Variants in GPR139 observed in about 807,000 individuals in gnomAD.
GPR139 encodes the protein probable G protein-coupled receptor 139.
A neutral mutation model predicts 25.8 loss-of-function variants in GPR139; 12 were observed. That is an observed-to-expected ratio of 0.47 (90% CI 0.30 to 0.75). The LOEUF (loss-of-function observed/expected upper bound fraction) is 0.75, where lower values mean the gene tolerates loss of function less well. GPR139 is among the 30% of genes least tolerant of loss of function. The pLI is 0.07. For synonymous variants in GPR139, 184 were observed against 179.9 expected (o/e 1.02, Z -0.18); for missense variants, 380 against 450.2 (o/e 0.84, Z 1.41).
At chr16:20,072,746 A>C (rs918758788) in intron 1 of GPR139, among the ~76,000 whole-genome samples, 7 of 152,190 alleles carry the variant, frequency 4.6e-5, no homozygotes, top group African/African-American at 1.7e-4. Context: ...CATCCACAGC[A>C]GCCGTGAGCT....
At chr16:20,038,167 C>A (rs937022012) in intron 1 of GPR139, among the ~76,000 whole-genome samples, 17 of 152,026 alleles carry the variant, frequency 1.1e-4, no homozygotes, top group African/African-American at 3.9e-4. Flanking sequence ...CAGCCACAAC[C>A]TCTTTTTCCC....
chr16:20,071,898 A>C (rs1333379058), intron 1 of GPR139, among the ~76,000 whole-genome samples: 1 of 152,090 alleles, frequency 6.6e-6, no homozygotes, highest in East Asian at 1.9e-4. Context: ...CACTCAGTAG[A>C]GGAGGTGCAA....
chr16:20,053,642 T>C (rs1006660067), intron 1 of GPR139, among the ~76,000 whole-genome samples: 12 of 152,176 alleles, frequency 7.9e-5, no homozygotes, highest in African/African-American at 2.9e-4. Flanking sequence ...AGATAACGCA[T>C]GTGAAGTGGT....
At chr16:20,033,704 A>T (rs2045458) in intron 1 of GPR139, among the ~76,000 whole-genome samples, 89,856 of 151,926 alleles carry the variant, frequency 0.59, 27,590 homozygotes, top group Non-Finnish European at 0.69. Flanking sequence ...ATGCTACATA[A>T]TCAAAAATAA....
At chr16:20,043,751 T>G (rs1170795447) in intron 1 of GPR139, among the ~76,000 whole-genome samples, 1 of 152,194 alleles carries the variant, frequency 6.6e-6, no homozygotes, top group African/African-American at 2.4e-5. Flanking sequence ...TACCAAGTGA[T>G]GAATGCAGTG....
intron 1 of GPR139, among the ~76,000 whole-genome samples, chr16:20,062,581 C>A (rs766053436): frequency 5.3e-5 from 8 of 152,282 alleles, no homozygotes; most frequent in Non-Finnish European, 1.0e-4. Context: ...ACCAAGACAC[C>A]CACCAACTTT....
At chr16:20,064,776 C>T (rs770126636) in intron 1 of GPR139, among the ~76,000 whole-genome samples, 1 of 152,126 alleles carries the variant, frequency 6.6e-6, no homozygotes, top group African/African-American at 2.4e-5. Context: ...CAGGAAACAA[C>T]GAGGCGGGAA....
chr16:20,035,234 T>C (rs2057305776), intron 1 of GPR139, among the ~76,000 whole-genome samples: 1 of 152,158 alleles, frequency 6.6e-6, no homozygotes, highest in Admixed American at 6.5e-5. Context: ...AGAGTTAAGA[T>C]ACTGATTATA....
rs558385046 is a variant in GPR139 at position 20,043,868 on chromosome 16, G to A, written c.128-11199C>T. 3.3e-5 allele frequency among the ~76,000 whole-genome samples: 5 copies of A among 152,300 alleles called. No homozygotes were observed. In the East Asian group the frequency reaches 9.7e-4, roughly 29 times the overall value. On this transcript the variant is annotated intron_variant, in intron 1 of 1. Transcript: ENST00000570682. ...GCTCTCCAGCAAACAATGAGCAGAG[G>A]AGTTACTAGAGAGGAGAGGATACTT... is the stretch of plus-strand genomic sequence containing the variant.
chr16:20,053,056 G>A (rs1461334655), intron 1 of GPR139, among the ~76,000 whole-genome samples: 3 of 151,988 alleles, frequency 2.0e-5, no homozygotes, highest in Non-Finnish European at 2.9e-5. Context: ...AGCTCCTCTT[G>A]CTTTGAAGGT....
intron 1 of GPR139, among the ~76,000 whole-genome samples, chr16:20,043,840 G>A (rs926949191): frequency 6.6e-6 from 1 of 152,194 alleles, no homozygotes; most frequent in African/African-American, 2.4e-5. Flanking sequence ...GAACATGCAG[G>A]TGGCTCTCCA....
At position 20,031,627 on chromosome 16, in the gene GPR139, C is replaced by G. The variant is rs2057288784; in HGVS notation, c.*108G>C. On this transcript the variant is annotated 3_prime_UTR_variant, in exon 2 of 2. Transcript: ENST00000570682. ...TGAGAATTGCCCAGTCTGCGGGAGA[C>G]AGGAAATCGGATTAGCACTCTTAAG... 2.5e-6 allele frequency: 2 copies of G among 814,482 alleles called. No homozygotes were observed. Among genetic ancestry groups the G allele is most frequent in the Admixed American group, 4.3e-5 (2 of 46,520 alleles). 50.5% of individuals were successfully genotyped at this position (814,482 alleles called of 1,614,324 possible).
At chr16:20,034,813 A>T (rs956549254) in intron 1 of GPR139, among the ~76,000 whole-genome samples, 1 of 152,192 alleles carries the variant, frequency 6.6e-6, no homozygotes, top group African/African-American at 2.4e-5. Context: ...AGTTCACTCA[A>T]TTGAATGACT....
At chr16:20,068,493 T>C (rs1257093222) in intron 1 of GPR139, among the ~76,000 whole-genome samples, 1 of 152,196 alleles carries the variant, frequency 6.6e-6, no homozygotes, top group African/African-American at 2.4e-5. Context: ...ATTTATTAGT[T>C]CTTAGGAGTT....
chr16:20,073,443 G>A lies in GPR139; in HGVS notation c.127+47C>T. ...CGGGGGATTCTGGGTAGGGTTGCCC[G>A]GCACTTGGGGTTCCTGGCTTCCCTC... On this transcript the variant is annotated intron_variant, in intron 1 of 1. Transcript: ENST00000570682. The surrounding 1 kb of genome is among the most constrained non-coding windows in gnomAD (Gnocchi z 4.7). 1.3e-6 allele frequency: 2 copies of A among 1,594,292 alleles called. No homozygotes were observed. Among genetic ancestry groups the A allele is most frequent in the Non-Finnish European group, 1.7e-6 (2 of 1,170,944 alleles).
chr16:20,060,954 A>G (rs1422917629), intron 1 of GPR139, among the ~76,000 whole-genome samples: 2 of 151,780 alleles, frequency 1.3e-5, no homozygotes, highest in Non-Finnish European at 2.9e-5. Flanking sequence ...GTCTGGGTCA[A>G]TTTCTTGAGT....
intron 1 of GPR139, among the ~76,000 whole-genome samples, chr16:20,059,627 C>T (rs1397455129): frequency 6.6e-6 from 1 of 152,188 alleles, no homozygotes; most frequent in East Asian, 1.9e-4. Context: ...GCATTGGCTT[C>T]CCTGCCTGCT....
chr16:20,052,745 C>T (rs978222435), intron 1 of GPR139, among the ~76,000 whole-genome samples: 3 of 148,972 alleles, frequency 2.0e-5, no homozygotes, highest in South Asian at 2.2e-4. Context: ...TGGGAGATCG[C>T]GCCACTGCAC....
chr16:20,035,578 A>G (rs1450131351), intron 1 of GPR139, among the ~76,000 whole-genome samples: 1 of 152,262 alleles, frequency 6.6e-6, no homozygotes, highest in East Asian at 1.9e-4. Flanking sequence ...TAGTCAAGAA[A>G]AACATCAGCT....
Sources: gnomAD v4.1 joint callset for allele counts (sites outside exome capture counted in the v4.1 genomes callset) on GRCh38, gnomAD v4.1.1 for gene constraint, Gnocchi (gnomAD v3.1) non-coding constraint, MANE v1.5 for transcripts, NCBI Gene and HGNC (gene_info 2026-07-23, HGNC 2026-07-21) for gene names.